IQCH: variants seen among roughly 807,000 people sequenced by gnomAD.
IQCH encodes the protein IQ domain-containing protein H.
In IQCH, 98 loss-of-function variants were observed where a neutral mutation model predicts 117.0. The ratio of observed to expected loss-of-function variants is 0.84; its 90% CI spans 0.71 to 0.99. IQCH has a LOEUF of 0.99. Ranked by LOEUF, IQCH falls within the 50% of genes least tolerant of loss-of-function variation. IQCH has a pLI of 0.00. For missense variants in IQCH, 1,102 were observed against 1,243.8 expected (o/e 0.89, Z 1.72); for synonymous variants, 412 against 448.2 (o/e 0.92, Z 1.02).
chr15:67,388,081 CTGATTTCCTAT>C lies in IQCH; in HGVS notation c.1457-748_1457-738del, dbSNP rs764891109. On this transcript the variant is annotated intron_variant, in intron 11 of 20. Transcript: ENST00000335894. This position sits in a 1 kb window ranked among gnomAD's most constrained non-coding sequence, Gnocchi z 5.5. ...AACAAATGAATGACTTCATTGACTG[CTGATTTCCTAT>C]TCATACTCCCTGAAATATTCTGCAG... 1.3e-5 allele frequency among the ~76,000 whole-genome samples: 2 copies of C among 152,200 alleles called. No homozygotes were observed. Among genetic ancestry groups the C allele is most frequent in the African/African-American group, 2.4e-5 (1 of 41,438 alleles).
chr15:67,287,475 A>G (rs1212921307), intron 4 of IQCH, among the ~76,000 whole-genome samples: 1 of 151,920 alleles, frequency 6.6e-6, no homozygotes, highest in African/African-American at 2.4e-5. Flanking sequence ...CAGATTTTGG[A>G]TTTCTTCATG....
chr15:67,470,846 A>G (rs1029797330), intron 17 of IQCH, among the ~76,000 whole-genome samples: 1 of 152,224 alleles, frequency 6.6e-6, no homozygotes, highest in African/African-American at 2.4e-5. Context: ...GTGTCTATAT[A>G]TCCTTTCAGA....
At chr15:67,266,427 C>T (rs908714188) in intron 3 of IQCH, among the ~76,000 whole-genome samples, 3 of 151,952 alleles carry the variant, frequency 2.0e-5, no homozygotes, top group Non-Finnish European at 2.9e-5. Context: ...GAGGCCAAGG[C>T]GGGCGGATCA....
rs934237960 is a variant in IQCH at position 67,369,885 on chromosome 15, T to C, written c.754-2226T>C. Reference sequence around the variant, plus strand: ...ATTCTCTGTGACAGATGTACTACAGTTATGCTTTAGCTGACTCCAAACCGA... The same window carrying C: ...ATTCTCTGTGACAGATGTACTACAGCTATGCTTTAGCTGACTCCAAACCGA... On this transcript the variant is annotated intron_variant, in intron 8 of 20. Coordinates refer to ENST00000335894, the MANE Select transcript of IQCH (RefSeq NM_001031715.3). The surrounding 1 kb of genome is among the most constrained non-coding windows in gnomAD (Gnocchi z 5.2). Among the ~76,000 whole-genome samples, 2 of 152,216 alleles carry C rather than the reference T, an allele frequency of 1.3e-5. No individual in the cohort carries two copies. Among genetic ancestry groups the C allele is most frequent in the African/African-American group, 4.8e-5 (2 of 41,452 alleles).
chr15:67,295,508 A>G (rs747134925), intron 4 of IQCH, among the ~76,000 whole-genome samples: 7 of 152,096 alleles, frequency 4.6e-5, no homozygotes, highest in Non-Finnish European at 1.0e-4. Context: ...CTGGAACTCT[A>G]TCTAGCAGCC....
At chr15:67,414,098 C>G (rs1373029028) in intron 14 of IQCH, among the ~76,000 whole-genome samples, 1 of 152,180 alleles carries the variant, frequency 6.6e-6, no homozygotes, top group Non-Finnish European at 1.5e-5. Context: ...AAAGTCCGCC[C>G]AGGAAGAATT....
chr15:67,484,726 G>A (rs1453102479), intron 18 of IQCH, among the ~76,000 whole-genome samples: 2 of 151,534 alleles, frequency 1.3e-5, no homozygotes, highest in African/African-American at 4.9e-5. Flanking sequence ...GGGTGACAGA[G>A]TGAGACTCCA....
chr15:67,478,696 C>T lies in IQCH; in HGVS notation c.2799+2878C>T, dbSNP rs373790330. ...ATCCCAGCACTTTGGGAGGCCAGGG[C>T]GGGCAGATCACGAGGTCAGGAGATC... On this transcript the variant is annotated intron_variant, in intron 18 of 20. Coordinates refer to ENST00000335894, the MANE Select transcript of IQCH (RefSeq NM_001031715.3). Among the ~76,000 whole-genome samples the T allele has an allele frequency of 1.5e-4, 23 of 151,920 alleles. 1 individual carries two copies. The East Asian group carries it at 4.1e-3, about 27-fold the overall frequency.
chr15:67,329,273 T>C (rs1049170099), intron 4 of IQCH, among the ~76,000 whole-genome samples: 1 of 147,256 alleles, frequency 6.8e-6, no homozygotes, highest in Non-Finnish European at 1.5e-5. Context: ...CACCCCAGCC[T>C]GGGCAACAGA....
At position 67,451,015 on chromosome 15, in the gene IQCH, G is replaced by A. The variant is rs200817999; in HGVS notation, c.2506-14112G>A. ...GATTTTCTAGTTTATTTGTGTAGAG[G>A]TGTTTATAGTATTCTCTGATGGTAG... is the stretch of plus-strand genomic sequence containing the variant. On this transcript the variant is annotated intron_variant, in intron 16 of 20. Coordinates refer to ENST00000335894, the MANE Select transcript of IQCH (RefSeq NM_001031715.3). Among the ~76,000 whole-genome samples the A allele has an allele frequency of 3.3e-5, 5 of 152,134 alleles. No homozygotes were observed. In the South Asian group the frequency reaches 8.3e-4, roughly 25 times the overall value.
intron 4 of IQCH, among the ~76,000 whole-genome samples, chr15:67,313,698 T>G (rs1012662659): frequency 2.6e-5 from 4 of 152,184 alleles, no homozygotes; most frequent in African/African-American, 7.2e-5. Context: ...AGTTGATGGA[T>G]GGCCTTGAAT....
intron 14 of IQCH, 148 bp downstream of exon 14, chr15:67,400,453 T>C (rs1971609768): frequency 3.7e-6 from 2 of 545,176 alleles, no homozygotes; most frequent in Non-Finnish European, 6.6e-6. Context: ...TTTTTCCTTA[T>C]ATACACAATG....
intron 1 of IQCH, chr15:67,255,198 C>G (rs1481474736): frequency 1.8e-6 from 1 of 557,914 alleles, no homozygotes. Flanking sequence ...AAACCGTTCA[C>G]CCGGAACCTT....
At chr15:67,451,246 T>A (rs1268539925) in intron 16 of IQCH, among the ~76,000 whole-genome samples, 2 of 152,228 alleles carry the variant, frequency 1.3e-5, no homozygotes, top group African/African-American at 4.8e-5. Context: ...TGCTCTTAGT[T>A]ATTTCTTGCC....
At chr15:67,470,822 G>A (rs1242859692) in intron 17 of IQCH, among the ~76,000 whole-genome samples, 1 of 152,006 alleles carries the variant, frequency 6.6e-6, no homozygotes, top group Non-Finnish European at 1.5e-5. Context: ...TCCTACAAAG[G>A]TAACCACCAT....
Position 67,395,481 on chromosome 15 carries a change from C to T in IQCH, c.1823C>T (p.Thr608Ile). The change falls in exon 13 of 21, where the codon ACC becomes ATC. Residue 608 changes from threonine to isoleucine, a missense_variant. By Grantham distance (89) the Thr-to-Ile change is moderately conservative (BLOSUM62 -1). Coordinates refer to ENST00000335894, the MANE Select transcript of IQCH (RefSeq NM_001031715.3). The surrounding 1 kb of genome is among the most constrained non-coding windows in gnomAD (Gnocchi z 4.0). ...CCTGAACTAGCTCATCTTTATAGTA[C>T]CAAATCTGGAGGCAAACGTGTCTTT... Reference protein sequence around the residue: ...SEPELAHLYSTKSGGKRVFDS... With the variant: ...SEPELAHLYSIKSGGKRVFDS... 1 of 1,614,026 alleles carries T rather than the reference C, an allele frequency of 6.2e-7. No individual in the cohort carries two copies. The highest frequency in any genetic ancestry group is 8.5e-7 in the Non-Finnish European group (1 of 1,179,972).
intron 4 of IQCH, among the ~76,000 whole-genome samples, chr15:67,336,452 GTAAT>G (rs1436847530): frequency 6.6e-6 from 1 of 152,140 alleles, no homozygotes; most frequent in African/African-American, 2.4e-5. Context: ...TTTAGGAAAA[GTAAT>G]TATCTTCTCT....
At chr15:67,333,873 A>G (rs1968777648) in intron 4 of IQCH, among the ~76,000 whole-genome samples, 1 of 152,154 alleles carries the variant, frequency 6.6e-6, no homozygotes, top group African/African-American at 2.4e-5. Flanking sequence ...CCTGGGCAAC[A>G]TAGCGAAACC....
intron 10 of IQCH, among the ~76,000 whole-genome samples, chr15:67,383,043 T>C (rs537517254): frequency 1.1e-3 from 173 of 152,362 alleles, no homozygotes; most frequent in African/African-American, 4.0e-3. Flanking sequence ...TCTGCTCTGC[T>C]GATGTCATTG....
Sources: gnomAD v4.1 joint callset for allele counts (sites outside exome capture counted in the v4.1 genomes callset) on GRCh38, gnomAD v4.1.1 for gene constraint, Gnocchi (gnomAD v3.1) non-coding constraint, MANE v1.5 for transcripts, NCBI Gene and HGNC (gene_info 2026-07-23, HGNC 2026-07-21) for gene names.